The following RNPEP variants were observed in gnomAD, a reference collection of about 807,000 sequenced individuals.
The protein encoded by RNPEP is aminopeptidase B.
A neutral mutation model predicts 70.1 loss-of-function variants in RNPEP; 57 were observed. That is an observed-to-expected ratio of 0.81 (90% CI 0.66 to 1.01). The LOEUF (loss-of-function observed/expected upper bound fraction) is 1.01. Ranked by LOEUF, RNPEP falls within the 50% of genes least tolerant of loss-of-function variation. The pLI is 0.00. For missense variants in RNPEP, 787 were observed against 852.4 expected, an observed-to-expected ratio of 0.92 and a Z score of 0.96; for synonymous variants, 335 against 357.4, an observed-to-expected ratio of 0.94 and a Z score of 0.71.
chr1:202,004,245 C>G (rs1167717286), intron 9 of RNPEP, 109 bp from the exon 10 acceptor site: 2 of 1,217,594 alleles, frequency 1.6e-6, no homozygotes, highest in Non-Finnish European at 2.3e-6. Context: ...CCAGGCTGGT[C>G]TCACATTCCT....
At chr1:201,985,209 AT>A (rs1384077631) in intron 1 of RNPEP, among the ~76,000 whole-genome samples, 1 of 112,282 alleles carries the variant, frequency 8.9e-6, no homozygotes, top group African/African-American at 3.1e-5. Context: ...AAAAAAAAAA[AT>A]ACTCATTTCC....
rs1683598397 is a variant in RNPEP at position 201,997,452 on chromosome 1, A to G, written c.988A>G (p.Ser330Gly). The change falls in exon 5 of 11, where the codon AGT becomes GGT. Residue 330 changes from serine (S) to glycine (G), a missense_variant. Physicochemically the swap from Ser to Gly is moderately conservative, Grantham distance 56. Coordinates refer to ENST00000295640, the MANE Select transcript of RNPEP (RefSeq NM_020216.4). ...ADVIIHEISH[S>G]WFGNLVTNAN... ...TGTCATCATCCATGAGATCTCCCAC[A>G]GTTGGTTTGGGAACCTGGTCACCAA... 6.2e-7 allele frequency: 1 copy of G among 1,614,060 alleles called. No individual in the cohort carries two copies. Among genetic ancestry groups the G allele is most frequent in the Non-Finnish European group, 8.5e-7 (1 of 1,180,048 alleles).
At chr1:201,997,587 CCT>C in intron 5 of RNPEP, 33 bp downstream of exon 5, 2 of 1,547,828 alleles carry the variant, frequency 1.3e-6, no homozygotes, top group Middle Eastern at 3.4e-4. Context: ...AAGGAGTCTG[CCT>C]CCCATTCTTA....
chr1:201,988,166 G>GAC (rs1468023650), intron 1 of RNPEP, among the ~76,000 whole-genome samples: 10 of 141,568 alleles, frequency 7.1e-5, no homozygotes, highest in South Asian at 2.4e-4. Flanking sequence ...AAAGAAAAGA[G>GAC]AATGTATATT....
At chr1:201,991,788 G>T (rs966696556) in intron 3 of RNPEP, among the ~76,000 whole-genome samples, 7 of 152,122 alleles carry the variant, frequency 4.6e-5, no homozygotes, top group African/African-American at 4.8e-5. Flanking sequence ...AGGTATCTTG[G>T]ATGACTGTCT....
chr1:201,985,534 A>G lies in RNPEP; in HGVS notation c.447+2421A>G, dbSNP rs567398824. On this transcript the variant is annotated intron_variant, in intron 1 of 10. Transcript: ENST00000295640. ...GGCATCCCAAAGTGCTGGGACTACA[A>G]GCATGAGCCAACATGCCTGGCTTAA... 7.2e-5 allele frequency among the ~76,000 whole-genome samples: 11 copies of G among 152,272 alleles called. 1 individual carries two copies. In the South Asian group the frequency reaches 2.3e-3, roughly 32 times the overall value.
chr1:201,989,237 G>T, intron 2 of RNPEP, 146 bp from the exon 3 acceptor site: 1 of 1,208,556 alleles, frequency 8.3e-7, no homozygotes, highest in Non-Finnish European at 1.2e-6. Flanking sequence ...GTTGAGCACA[G>T]ATTTAGTTTC....
chr1:202,005,579 C>G lies in RNPEP; in HGVS notation c.1816C>G (p.Pro606Ala). The change falls in exon 11 of 11, where the codon CCG becomes GCG. Residue 606 changes from proline to alanine, a missense_variant. By Grantham distance (27) the Pro-to-Ala change is conservative (BLOSUM62 -1). Coordinates refer to ENST00000295640, the MANE Select transcript of RNPEP (RefSeq NM_020216.4). ...HNQGKQKYTL[P>A]LYHAMMGGSE... ...GCAGGGGAAGCAGAAGTATACACTT[C>G]CGCTGTACCACGCAATGATGGGTGG... 1.2e-6 allele frequency: 2 copies of G among 1,614,188 alleles called. No homozygotes were observed. The highest frequency in any genetic ancestry group is 1.7e-6 in the Non-Finnish European group (2 of 1,180,040).
Position 201,982,916 on chromosome 1 carries a change from C to A in RNPEP, c.250C>A (p.Pro84Thr). ...GAAELRLDSH[P>T]CLEVTAAALR... is the part of the protein sequence containing the mutation. ...CGCCGAGCTGCGGCTGGACTCGCACCCGTGCCTGGAGGTGACGGCGGCGGC... is the reference window on the plus strand; with the variant it reads ...CGCCGAGCTGCGGCTGGACTCGCACACGTGCCTGGAGGTGACGGCGGCGGC... Residue 84 changes from proline (P) to threonine (T), a missense_variant, in exon 1 of 11, where the codon CCG (proline) becomes ACG (threonine). By Grantham distance (38) the Pro-to-Thr change is conservative. Coordinates refer to ENST00000295640, the MANE Select transcript of RNPEP (RefSeq NM_020216.4). The A allele has an allele frequency of 6.8e-7, 1 of 1,477,722 alleles. No individual in the cohort carries two copies. The highest frequency in any genetic ancestry group is 8.9e-7 in the Non-Finnish European group (1 of 1,117,782). 91.5% of individuals were successfully genotyped at this position (1,477,722 alleles called of 1,614,324 possible). A position where few individuals can be genotyped will look rare whatever the true frequency, so the allele number is the denominator to read the frequency against.
At chr1:202,004,621 C>A (rs1302511068) in intron 10 of RNPEP, 125 bp downstream of exon 10, 7 of 1,151,652 alleles carry the variant, frequency 6.1e-6, no homozygotes, top group Non-Finnish European at 8.6e-6. Flanking sequence ...GGCAAATGAC[C>A]TGAGGACCCT....
At chr1:201,990,519 C>T (rs1054676759) in intron 3 of RNPEP, among the ~76,000 whole-genome samples, 5 of 152,212 alleles carry the variant, frequency 3.3e-5, no homozygotes, top group Non-Finnish European at 5.9e-5. Flanking sequence ...ACGGTGAAGC[C>T]GTGACCTTTT....
In RNPEP at chr1:201,982,824, G is replaced by A; in HGVS notation, c.158G>A (p.Gly53Asp). 7.5e-7 allele frequency: 1 copy of A among 1,334,102 alleles called. No individual in the cohort carries two copies. Among genetic ancestry groups the A allele is most frequent in the Non-Finnish European group, 9.6e-7 (1 of 1,042,550 alleles). The allele number at this position is 1,334,102 out of a possible 1,614,324, so 82.6% of individuals were successfully genotyped here. ...GCTGAGTTCGGGCCTCCAGGGCCCG[G>A]CGCAGGGAGCCGGGGGCTGAGCGGC... ...LRAEFGPPGP[G>D]AGSRGLSGTA... The change falls in exon 1 of 11, where the codon GGC (glycine) becomes GAC (aspartate). Residue 53 changes from glycine (G) to aspartate (D), a missense_variant. By Grantham distance (94) the Gly-to-Asp change is moderately conservative. Transcript: ENST00000295640.
intron 1 of RNPEP, among the ~76,000 whole-genome samples, chr1:201,987,705 T>A (rs915882798): frequency 3.3e-5 from 5 of 151,980 alleles, no homozygotes; most frequent in Non-Finnish European, 7.4e-5. Flanking sequence ...CCCAAAGTGC[T>A]GGGATTACAG....
At position 202,005,650 on chromosome 1, in the gene RNPEP, C is replaced by T. The variant is rs750134695; in HGVS notation, c.1887C>T (p.Thr629=). The T allele has an allele frequency of 2.1e-5, 34 of 1,614,058 alleles. No homozygotes were observed. Among genetic ancestry groups the T allele is most frequent in the South Asian group, 1.3e-4 (12 of 91,088 alleles). ...TCGCCAAGGAGACTTTTGCATCCAC[C>T]GCCTCCCAGCTCCACAGCAATGTTG... ...QTLAKETFAS[T]ASQLHSNVVN... The change falls in exon 11 of 11, where the codon ACC becomes ACT. Residue 629 remains threonine, a synonymous_variant. Transcript: ENST00000295640.
chr1:201,991,173 G>A (rs543299765), intron 3 of RNPEP, among the ~76,000 whole-genome samples: 1 of 152,216 alleles, frequency 6.6e-6, no homozygotes, highest in East Asian at 1.9e-4. Flanking sequence ...GGAGTGCAGT[G>A]GCGCGATCTT....
intron 9 of RNPEP, 140 bp from the exon 10 acceptor site, chr1:202,004,214 G>A (rs188809253): frequency 2.3e-6 from 2 of 859,566 alleles, no homozygotes; most frequent in East Asian, 5.3e-5. Context: ...TTTTAGTAGA[G>A]ATGGGGTTTC....
In RNPEP at chr1:201,989,430, G is replaced by A; in HGVS notation, c.636G>A (p.Lys212=). Residue 212 remains lysine (K), a synonymous_variant, in exon 3 of 11, where the codon AAG becomes AAA. Coordinates refer to ENST00000295640, the MANE Select transcript of RNPEP (RefSeq NM_020216.4). ...TGATGAGTGCTAGCACCTGGGAGAAGAGAGGTCCAAATAAGTTCTTCTTCC... is the reference window on the plus strand; with the variant it reads ...TGATGAGTGCTAGCACCTGGGAGAAAAGAGGTCCAAATAAGTTCTTCTTCC... ...TAVMSASTWE[K]RGPNKFFFQM... The A allele has an allele frequency of 6.2e-7, 1 of 1,614,234 alleles. No individual in the cohort carries two copies. The highest frequency in any genetic ancestry group is 8.5e-7 in the Non-Finnish European group (1 of 1,180,046).
intron 3 of RNPEP, among the ~76,000 whole-genome samples, chr1:201,994,245 A>G (rs557771386): frequency 6.6e-6 from 1 of 152,122 alleles, no homozygotes; most frequent in Non-Finnish European, 1.5e-5. Context: ...TGGAGAGCTC[A>G]CCCATTCTTG....
intron 3 of RNPEP, among the ~76,000 whole-genome samples, chr1:201,991,791 G>T (rs866968823): frequency 2.0e-5 from 3 of 152,266 alleles, no homozygotes; most frequent in Middle Eastern, 6.8e-3. Flanking sequence ...TATCTTGGAT[G>T]ACTGTCTTAA....
Sources: gnomAD v4.1 joint callset for allele counts (sites outside exome capture counted in the v4.1 genomes callset) on GRCh38, gnomAD v4.1.1 for gene constraint, MANE v1.5 for transcripts, NCBI Gene and HGNC (gene_info 2026-07-23, HGNC 2026-07-21) for gene names.